APC: variants seen among roughly 807,000 people sequenced by gnomAD.
APC encodes the protein APC regulator of Wnt signaling pathway.
Under a neutral mutation model 247.0 loss-of-function variants are expected in APC, and 72 were observed. The ratio of observed to expected loss-of-function variants is 0.29; its 90% CI spans 0.24 to 0.35. The LOEUF (loss-of-function observed/expected upper bound fraction) is 0.35. APC is among the 10% of genes least tolerant of loss of function. The pLI is 1.00. For synonymous variants in APC, 1,254 were observed against 1,162.5 expected (o/e 1.08, Z -1.60); for missense variants, 3,400 against 3,360.7 (o/e 1.01, Z -0.29).
Position 112,842,466 on chromosome 5 carries a change from A to G in APC, c.6872A>G (p.Gln2291Arg), listed in dbSNP as rs1554087813. 6.2e-7 allele frequency: 1 copy of G among 1,613,982 alleles called. No individual in the cohort carries two copies. The highest frequency in any genetic ancestry group is 8.5e-7 in the Non-Finnish European group (1 of 1,179,916). The change falls in exon 16 of 16, where the codon CAA becomes CGA. Residue 2291 changes from glutamine to arginine, a missense_variant. Transcript: ENST00000257430. ...AGCCCTGTTGCCAGGCAGACATCCC[A>G]AATAGGTGGGTCAAGTAAAGCACCT... ...ELSPVARQTS[Q>R]IGGSSKAPSR...
intron 9 of APC, among the ~76,000 whole-genome samples, 181 bp downstream of exon 9, chr5:112,815,774 A>T (rs985089784): frequency 3.3e-5 from 5 of 152,102 alleles, no homozygotes; most frequent in African/African-American, 1.2e-4. Flanking sequence ...CATCTCTACT[A>T]AAAATACAAA....
chr5:112,778,109 C>T (rs186395487), intron 5 of APC: 12 of 209,836 alleles, frequency 5.7e-5, no homozygotes, highest in African/African-American at 2.3e-4. Context: ...CAGATTCTTC[C>T]GGCTCTGCCT....
chr5:112,811,806 A>G (rs1349494972), intron 8 of APC, among the ~76,000 whole-genome samples: 2 of 152,230 alleles, frequency 1.3e-5, no homozygotes, highest in African/African-American at 2.4e-5. Context: ...ATTAGTAGAC[A>G]TTTATATTTG....
rs1554086256 is a variant in APC at position 112,840,452 on chromosome 5, T to G, written c.4858T>G (p.Ser1620Ala). 1 of 1,614,052 alleles carries G rather than the reference T, an allele frequency of 6.2e-7. No individual in the cohort carries two copies. The highest frequency in any genetic ancestry group is 8.5e-7 in the Non-Finnish European group (1 of 1,180,028). ...GCTGCCTGTGTACAAACTTCTACCA[T>G]CACAAAACAGGTTGCAACCCCAAAA... ...SQLPVYKLLPSQNRLQPQKHV... is the reference protein window; with the variant it reads ...SQLPVYKLLPAQNRLQPQKHV... Residue 1620 changes from serine to alanine, a missense_variant, in exon 16 of 16, where the codon TCA becomes GCA. Around this residue, in one of 9 missense-constraint regions of APC, gnomAD observed 1,788 missense variants for 1,649.5 expected, o/e 1.08. Transcript: ENST00000257430. The surrounding 1 kb of genome is among the most constrained non-coding windows in gnomAD (Gnocchi z 4.1).
upstream of APC, chr5:112,737,844 G>C: frequency 3.0e-6 from 3 of 985,696 alleles, no homozygotes; most frequent in Non-Finnish European, 3.6e-6. Context: ...GGGCGCACGT[G>C]ACCGACATGT....
chr5:112,773,189 C>T (rs139771029), intron 4 of APC, among the ~76,000 whole-genome samples: 1 of 152,228 alleles, frequency 6.6e-6, no homozygotes, highest in African/African-American at 2.4e-5. Context: ...TTTTAAGTTG[C>T]TTCTCAGTAA....
intron 1 of APC, among the ~76,000 whole-genome samples, chr5:112,724,706 C>G (rs1303463139): frequency 6.6e-6 from 1 of 152,000 alleles, no homozygotes; most frequent in East Asian, 1.9e-4. Flanking sequence ...TCCACATTAT[C>G]TAGGTGAAAA....
chr5:112,832,799 G>C (rs980027177), intron 14 of APC, among the ~76,000 whole-genome samples: 8 of 152,134 alleles, frequency 5.3e-5, no homozygotes, highest in African/African-American at 1.4e-4. Flanking sequence ...GGGTGTAATA[G>C]TTTTTTCTTT....
intron 5 of APC, among the ~76,000 whole-genome samples, chr5:112,778,642 G>C (rs1362545339): frequency 6.6e-6 from 1 of 151,418 alleles, no homozygotes; most frequent in Admixed American, 6.6e-5. Flanking sequence ...TGACTCCCAG[G>C]TTCAAGCGAT....
chr5:112,799,711 GA>G (rs1760605124), intron 7 of APC, among the ~76,000 whole-genome samples: 1 of 152,152 alleles, frequency 6.6e-6, no homozygotes. Context: ...AAGAATCGCA[GA>G]AAAAGGCATT....
At position 112,843,478 on chromosome 5, in the gene APC, G is replaced by T. The variant is rs1554088722; in HGVS notation, c.7884G>T (p.Gln2628His). ...TTTCTCCCACAAATAGTACTTCTCAGACCGTTTCCTCAGGTGCTACAAATG... is the reference window on the plus strand; with the variant it reads ...TTTCTCCCACAAATAGTACTTCTCATACCGTTTCCTCAGGTGCTACAAATG... Reference protein sequence around the residue: ...NEFSPTNSTSQTVSSGATNGA... With the variant: ...NEFSPTNSTSHTVSSGATNGA... Residue 2628 changes from glutamine (Q) to histidine (H), a missense_variant, in exon 16 of 16, where the codon CAG becomes CAT. Coordinates refer to ENST00000257430, the MANE Select transcript of APC (RefSeq NM_000038.6). This position sits in a 1 kb window ranked among gnomAD's most constrained non-coding sequence, Gnocchi z 4.8. 1.2e-6 allele frequency: 2 copies of T among 1,613,962 alleles called. No individual in the cohort carries two copies. The highest frequency in any genetic ancestry group is 1.7e-6 in the Non-Finnish European group (2 of 1,179,864).
intron 1 of APC, among the ~76,000 whole-genome samples, chr5:112,729,976 C>T (rs1417495828): frequency 2.0e-5 from 3 of 152,120 alleles, no homozygotes; most frequent in East Asian, 1.9e-4. Flanking sequence ...TTGGCATTAC[C>T]TCTTATTTGC....
intron 9 of APC, among the ~76,000 whole-genome samples, chr5:112,816,169 A>G (rs1001123648): frequency 1.3e-5 from 2 of 152,170 alleles, no homozygotes; most frequent in East Asian, 3.9e-4. Flanking sequence ...TCAGAATCCT[A>G]GCCAGCCTTC....
At chr5:112,734,103 G>A (rs1016443647), upstream of APC, among the ~76,000 whole-genome samples, 1 of 152,150 alleles carries the variant, frequency 6.6e-6, no homozygotes, top group African/African-American at 2.4e-5. Context: ...CAAGGCAGGA[G>A]GATCACCTGA....
At chr5:112,816,949 A>G (rs987875990) in intron 9 of APC, among the ~76,000 whole-genome samples, 1 of 150,324 alleles carries the variant, frequency 6.7e-6, no homozygotes, top group Admixed American at 6.6e-5. Flanking sequence ...GCTCACTGCA[A>G]CCCCCACCTC....
At position 112,832,244 on chromosome 5, in the gene APC, C is replaced by G. The variant is rs2909958; in HGVS notation, c.1744-2707C>G. ...CTTTTGTATTTTTCTACCTTCAACT[C>G]TCAACTCTGGGCCAGTTGCATCTTA... On this transcript the variant is annotated intron_variant, in intron 14 of 15. Coordinates refer to ENST00000257430, the MANE Select transcript of APC (RefSeq NM_000038.6). Among the ~76,000 whole-genome samples the G allele has an allele frequency of 0.55, 83,018 of 151,958 alleles. 23,242 individuals are homozygous for G. The highest frequency in any genetic ancestry group is 0.82 in the East Asian group (4,254 of 5,176).
chr5:112,768,648 T>C (rs113180110), intron 4 of APC, among the ~76,000 whole-genome samples: 146 of 152,290 alleles, frequency 9.6e-4, no homozygotes, highest in African/African-American at 3.2e-3. Context: ...TTCTTCGTGT[T>C]AGGAACATTC....
At chr5:112,708,075 A>G (rs1750631089) in intron 1 of APC, among the ~76,000 whole-genome samples, 1 of 151,550 alleles carries the variant, frequency 6.6e-6, no homozygotes, top group Non-Finnish European at 1.5e-5. Flanking sequence ...CTCCATTCTC[A>G]CGCAGTGGAT....
intron 9 of APC, among the ~76,000 whole-genome samples, chr5:112,816,360 A>G (rs1044586786): frequency 1.3e-5 from 2 of 152,362 alleles, no homozygotes; most frequent in Non-Finnish European, 2.9e-5. Context: ...GTGCCTGCAC[A>G]TGAGTAAATA....
Sources: allele counts gnomAD v4.1 joint callset (sites outside exome capture counted in the v4.1 genomes callset), GRCh38; gene constraint gnomAD v4.1.1; regional missense constraint gnomAD v4.1.1; non-coding constraint Gnocchi (gnomAD v3.1); transcripts MANE v1.5; gene names NCBI Gene and HGNC (gene_info 2026-07-23, HGNC 2026-07-21).